The following PCDHGB7 variants were observed in gnomAD, a reference collection of about 807,000 sequenced individuals.
PCDHGB7 encodes the protein protocadherin gamma-B7.
PCDHGB7 carries 37 observed loss-of-function variants against 61.4 expected under a neutral mutation model. That is an observed-to-expected ratio of 0.60 (90% CI 0.46 to 0.79). The LOEUF is 0.79. Ranked by LOEUF, PCDHGB7 falls within the 30% of genes least tolerant of loss-of-function variation. The probability of loss-of-function intolerance (pLI) is 0.00; values close to 1 mark genes in which losing one functional copy is unlikely to be tolerated. For synonymous variants in PCDHGB7, 464 were observed against 503.5 expected (o/e 0.92, Z 1.05); for missense variants, 1,166 against 1,202.5 (o/e 0.97, Z 0.45).
chr5:141,450,555 C>T (rs958577638), intron 1 of PCDHGB7, among the ~76,000 whole-genome samples: 4 of 151,710 alleles, frequency 2.6e-5, no homozygotes, highest in East Asian at 1.9e-4. Flanking sequence ...GGCGCAGTCT[C>T]GGCTCACTGC....
At chr5:141,504,483 AGGCACC>A (rs2099838618) in intron 2 of PCDHGB7, among the ~76,000 whole-genome samples, 1 of 151,954 alleles carries the variant, frequency 6.6e-6, no homozygotes, top group Non-Finnish European at 1.5e-5. Flanking sequence ...AGTACAGTGG[AGGCACC>A]TGCCCAGTCT....
chr5:141,483,456 G>T (rs2099581503), intron 1 of PCDHGB7, among the ~76,000 whole-genome samples: 1 of 152,180 alleles, frequency 6.6e-6, no homozygotes, highest in Admixed American at 6.5e-5. Context: ...ATCAGGACTT[G>T]TTGATTGACA....
intron 1 of PCDHGB7, chr5:141,430,537 A>T (rs1270804825): frequency 7.8e-6 from 3 of 385,890 alleles, no homozygotes; most frequent in African/African-American, 2.1e-5. Flanking sequence ...TAGGACTCTG[A>T]GCGCCGCTGT....
At chr5:141,460,848 C>A (rs528601988) in intron 1 of PCDHGB7, among the ~76,000 whole-genome samples, 1 of 150,236 alleles carries the variant, frequency 6.7e-6, no homozygotes, top group African/African-American at 2.4e-5. Context: ...GCCTCCAGTT[C>A]GATCCAAGTT....
intron 1 of PCDHGB7, among the ~76,000 whole-genome samples, chr5:141,443,560 G>A (rs2098394386): frequency 6.6e-6 from 1 of 152,162 alleles, no homozygotes; most frequent in Non-Finnish European, 1.5e-5. Context: ...CAATTCAAAT[G>A]CTTTAAATGG....
chr5:141,488,128 G>T (rs1412334197), intron 1 of PCDHGB7, among the ~76,000 whole-genome samples: 1 of 152,226 alleles, frequency 6.6e-6, no homozygotes, highest in Non-Finnish European at 1.5e-5. Context: ...ACAGCAGAAA[G>T]AGGAGAGAAC....
intron 1 of PCDHGB7, among the ~76,000 whole-genome samples, chr5:141,452,350 A>G (rs1355934993): frequency 6.6e-6 from 1 of 152,212 alleles, no homozygotes; most frequent in Admixed American, 6.5e-5. Context: ...CCATTTATCC[A>G]AAAGCCTTGC....
At chr5:141,498,581 C>A (rs1281809549) in intron 2 of PCDHGB7, among the ~76,000 whole-genome samples, 1 of 152,104 alleles carries the variant, frequency 6.6e-6, no homozygotes, top group East Asian at 1.9e-4. Flanking sequence ...GTATTGAGTT[C>A]TTCAGTAAAC....
intron 1 of PCDHGB7, chr5:141,428,040 G>A: frequency 6.2e-7 from 1 of 1,608,668 alleles, no homozygotes; most frequent in Non-Finnish European, 8.5e-7. Flanking sequence ...CGGCTACCTG[G>A]TGACCAAGGT....
At chr5:141,463,417 G>A (rs548514637) in intron 1 of PCDHGB7, among the ~76,000 whole-genome samples, 1 of 146,650 alleles carries the variant, frequency 6.8e-6, no homozygotes, top group South Asian at 2.2e-4. Context: ...ATCCTAGTTT[G>A]CGGATCCTCA....
intron 1 of PCDHGB7, among the ~76,000 whole-genome samples, chr5:141,449,762 G>T (rs909809198): frequency 6.6e-6 from 1 of 151,458 alleles, no homozygotes; most frequent in Non-Finnish European, 1.5e-5. Context: ...ACATTTGAGA[G>T]TAAGTTGTAG....
chr5:141,487,485 G>A lies in PCDHGB7; in HGVS notation c.2416-7322G>A. On this transcript the variant is annotated intron_variant, in intron 1 of 3. Transcript: ENST00000398594. The surrounding 1 kb of genome is among the most constrained non-coding windows in gnomAD (Gnocchi z 5.0). ...GTTGATGTGGGAGGCCACTCTCATG[G>A]CTGTACACCCTTGGCTTCTGCACCC... The A allele has an allele frequency of 6.2e-7, 1 of 1,614,164 alleles. No homozygotes were observed. Among genetic ancestry groups the A allele is most frequent in the Non-Finnish European group, 8.5e-7 (1 of 1,180,030 alleles).
rs746968245 is a variant in PCDHGB7, at chr5:141,489,575, A to AC, written c.2416-5227dup. 2 of 1,613,788 alleles carry AC rather than the reference A, an allele frequency of 1.2e-6. No homozygotes were observed. Among genetic ancestry groups the AC allele is most frequent in the Non-Finnish European group, 1.7e-6 (2 of 1,179,960 alleles). On this transcript the variant is annotated intron_variant, in intron 1 of 3. Coordinates refer to ENST00000398594, the MANE Select transcript of PCDHGB7 (RefSeq NM_018927.4). The surrounding 1 kb of genome is among the most constrained non-coding windows in gnomAD (Gnocchi z 4.5). ...CTGCCAGTGCAGGTGGTGACTGAACACCCCCTGGAGCTAATCCGTGTAGAG... is the reference window on the plus strand; with the variant it reads ...CTGCCAGTGCAGGTGGTGACTGAACACCCCCCTGGAGCTAATCCGTGTAGAG...
Position 141,489,624 on chromosome 5 carries a change from C to T in PCDHGB7, c.2416-5183C>T. 1 of 1,614,088 alleles carries T rather than the reference C, an allele frequency of 6.2e-7. No homozygotes were observed. On this transcript the variant is annotated intron_variant, in intron 1 of 3. Transcript: ENST00000398594. The surrounding 1 kb of genome is among the most constrained non-coding windows in gnomAD (Gnocchi z 4.5). Reference sequence around the variant, plus strand: ...AGGTAGAGATCCTGGATCTCAATGACAACTCTCCTAGCTTTGCCACCCCTG... The same window carrying T: ...AGGTAGAGATCCTGGATCTCAATGATAACTCTCCTAGCTTTGCCACCCCTG...
intron 1 of PCDHGB7, among the ~76,000 whole-genome samples, chr5:141,464,723 T>A (rs1166321691): frequency 6.6e-6 from 1 of 152,156 alleles, no homozygotes; most frequent in Non-Finnish European, 1.5e-5. Flanking sequence ...TTTCATATGT[T>A]TAAAAGCCAG....
intron 2 of PCDHGB7, among the ~76,000 whole-genome samples, chr5:141,501,288 T>TAC (rs1562199973): frequency 3.7e-5 from 3 of 81,228 alleles, no homozygotes; most frequent in South Asian, 4.2e-4. Context: ...GATATTCCCT[T>TAC]ATACACACAC....
At chr5:141,475,840 A>T in intron 1 of PCDHGB7, 1 of 434,888 alleles carries the variant, frequency 2.3e-6, no homozygotes, top group Non-Finnish European at 4.1e-6. Flanking sequence ...TGTCCTGCTC[A>T]GAGAGCCCGG....
chr5:141,494,927 G>A, intron 2 of PCDHGB7, 62 bp downstream of exon 2: 1 of 1,613,516 alleles, frequency 6.2e-7, no homozygotes, highest in Non-Finnish European at 8.5e-7. Flanking sequence ...GATGACGTGG[G>A]AGGAGATGGG....
chr5:141,477,710 GA>G lies in PCDHGB7; in HGVS notation c.2416-17095del. ...GCCCCTAGACTATGAGGATCGGCGG[GA>G]ATTTGAATTAACAGCTCATATCAGC... On this transcript the variant is annotated intron_variant, in intron 1 of 3. Coordinates refer to ENST00000398594, the MANE Select transcript of PCDHGB7 (RefSeq NM_018927.4). This position sits in a 1 kb window ranked among gnomAD's most constrained non-coding sequence, Gnocchi z 4.9. 2 of 1,613,918 alleles carry G rather than the reference GA, an allele frequency of 1.2e-6. No individual in the cohort carries two copies. Among genetic ancestry groups the G allele is most frequent in the Non-Finnish European group, 1.7e-6 (2 of 1,180,044 alleles).
Sources: gnomAD v4.1 joint callset for allele counts (sites outside exome capture counted in the v4.1 genomes callset) on GRCh38, gnomAD v4.1.1 for gene constraint, Gnocchi (gnomAD v3.1) non-coding constraint, MANE v1.5 for transcripts, NCBI Gene and HGNC (gene_info 2026-07-23, HGNC 2026-07-21) for gene names.